Variants in NRG3 observed in about 807,000 individuals in gnomAD.
NRG3 encodes neuregulin 3.
In NRG3, 31 loss-of-function variants were observed where a neutral mutation model predicts 66.9. That is an observed-to-expected ratio of 0.46 (90% CI 0.35 to 0.63). NRG3 has a LOEUF of 0.63. Ranked by LOEUF, NRG3 falls within the 20% of genes least tolerant of loss-of-function variation. The pLI, the probability that NRG3 is intolerant of heterozygous loss-of-function variation, is 0.00. For missense variants in NRG3, 910 were observed against 878.9 expected, an observed-to-expected ratio of 1.04 and a Z score of -0.45; for synonymous variants, 393 against 359.4, an observed-to-expected ratio of 1.09 and a Z score of -1.06.
At chr10:82,429,519 T>C (rs111432974) in intron 2 of NRG3, among the ~76,000 whole-genome samples, 274 of 152,216 alleles carry the variant, frequency 1.8e-3, no homozygotes, top group African/African-American at 6.2e-3. Context: ...ACTCCTTGTG[T>C]ACTGTAAATT....
chr10:82,430,266 GT>G (rs532121793), intron 2 of NRG3, among the ~76,000 whole-genome samples: 2 of 149,414 alleles, frequency 1.3e-5, no homozygotes, highest in Non-Finnish European at 3.0e-5. Flanking sequence ...TTTGTTTTTT[GT>G]TTTTTTTTGA....
chr10:82,300,813 A>AACACAC (rs143658730), intron 1 of NRG3, among the ~76,000 whole-genome samples: 1 of 151,656 alleles, frequency 6.6e-6, no homozygotes, highest in African/African-American at 2.4e-5. Flanking sequence ...CTGAGTTAAA[A>AACACAC]ACACACACAC....
rs1440790907 is a variant in NRG3 at position 82,000,053 on chromosome 10, G to T, written c.823+123890G>T. Among the ~76,000 whole-genome samples the T allele has an allele frequency of 2.6e-5, 4 of 152,152 alleles. No homozygotes were observed. The East Asian group carries it at 7.7e-4, about 29-fold the overall frequency. On this transcript the variant is annotated intron_variant, in intron 1 of 8. Coordinates refer to ENST00000372141, the MANE Select transcript of NRG3 (RefSeq NM_001010848.4). ...TCCAAACATATCAGTTTGAAAATTG[G>T]TAAGGAAGATGCTGGATAATAAAAT...
Position 82,631,928 on chromosome 10 carries a change from T to C in NRG3, c.954-106649T>C, listed in dbSNP as rs559935120. 9.9e-5 allele frequency among the ~76,000 whole-genome samples: 15 copies of C among 151,894 alleles called. No individual in the cohort carries two copies. The East Asian group carries it at 2.9e-3, about 30-fold the overall frequency. ...ACCAGCCCGGCCAACATGGTGAAAT[T>C]CCGTCTCTACCAAAAATACAAAAAT... On this transcript the variant is annotated intron_variant, in intron 2 of 8. Coordinates refer to ENST00000372141, the MANE Select transcript of NRG3 (RefSeq NM_001010848.4).
intron 2 of NRG3, among the ~76,000 whole-genome samples, chr10:82,474,494 A>AGTTGTT (rs1229639491): frequency 9.2e-5 from 14 of 152,218 alleles, no homozygotes; most frequent in African/African-American, 2.4e-5. Flanking sequence ...AGAAGGGTTC[A>AGTTGTT]ACAGCAGATT....
intron 2 of NRG3, among the ~76,000 whole-genome samples, chr10:82,640,845 C>G (rs1231273640): frequency 6.6e-6 from 1 of 151,776 alleles, no homozygotes; most frequent in Non-Finnish European, 1.5e-5. Context: ...GAAATAATGC[C>G]TCATAGGCCT....
At chr10:82,286,232 G>A (rs1226248082) in intron 1 of NRG3, among the ~76,000 whole-genome samples, 1 of 152,144 alleles carries the variant, frequency 6.6e-6, no homozygotes, top group African/African-American at 2.4e-5. Flanking sequence ...TATCCTGAGG[G>A]ACCTGAGTTT....
At chr10:82,040,366 C>CAT (rs1057277732) in intron 1 of NRG3, among the ~76,000 whole-genome samples, 4 of 151,494 alleles carry the variant, frequency 2.6e-5, no homozygotes, top group African/African-American at 7.3e-5. Flanking sequence ...GACATATATA[C>CAT]ATATATATAC....
At chr10:82,385,107 A>T (rs2085891292) in intron 2 of NRG3, among the ~76,000 whole-genome samples, 1 of 152,106 alleles carries the variant, frequency 6.6e-6, no homozygotes, top group Non-Finnish European at 1.5e-5. Flanking sequence ...GGCCACATGT[A>T]TGTCTTCTTT....
intron 3 of NRG3, among the ~76,000 whole-genome samples, chr10:82,781,115 A>G (rs748590270): frequency 6.6e-6 from 1 of 152,138 alleles, no homozygotes; most frequent in East Asian, 1.9e-4. Flanking sequence ...GTTGAGGCAC[A>G]GTGTTTTCCT....
chr10:82,784,515 A>C (rs1311568377), intron 3 of NRG3, among the ~76,000 whole-genome samples: 13 of 152,026 alleles, frequency 8.6e-5, no homozygotes, highest in Admixed American at 8.5e-4. Flanking sequence ...CAAGAAAAAA[A>C]CAAACAACCC....
intron 1 of NRG3, among the ~76,000 whole-genome samples, chr10:81,939,688 T>C (rs1370837483): frequency 2.3e-5 from 3 of 131,104 alleles, no homozygotes; most frequent in African/African-American, 1.0e-4. Flanking sequence ...GGTGTGTCAC[T>C]TTTGTTGATC....
At chr10:81,935,983 T>C (rs1001193681) in intron 1 of NRG3, among the ~76,000 whole-genome samples, 1 of 152,014 alleles carries the variant, frequency 6.6e-6, no homozygotes, top group African/African-American at 2.4e-5. Flanking sequence ...AACTGGTTTG[T>C]CTTACCCAGT....
chr10:82,486,799 A>G (rs1031387574), intron 2 of NRG3, among the ~76,000 whole-genome samples: 7 of 152,140 alleles, frequency 4.6e-5, no homozygotes, highest in African/African-American at 1.4e-4. Context: ...TGAGGGCATT[A>G]TGTTAAGTGA....
intron 6 of NRG3, among the ~76,000 whole-genome samples, chr10:82,963,704 G>T (rs927436526): frequency 6.6e-6 from 1 of 152,232 alleles, no homozygotes; most frequent in African/African-American, 2.4e-5. Flanking sequence ...AAGAATTTGC[G>T]TTAAAATAGT....
At chr10:82,496,854 G>T (rs1402976368) in intron 2 of NRG3, among the ~76,000 whole-genome samples, 1 of 152,012 alleles carries the variant, frequency 6.6e-6, no homozygotes, top group African/African-American at 2.4e-5. Context: ...GAGACTCCAA[G>T]GATTTGAATC....
chr10:82,743,035 G>A (rs2058494593), intron 3 of NRG3, among the ~76,000 whole-genome samples: 1 of 152,094 alleles, frequency 6.6e-6, no homozygotes, highest in Non-Finnish European at 1.5e-5. Context: ...CAGTGGGGTA[G>A]AGAAGATGCC....
chr10:82,638,132 G>A (rs752493610), intron 2 of NRG3, among the ~76,000 whole-genome samples: 6 of 152,074 alleles, frequency 3.9e-5, no homozygotes, highest in Middle Eastern at 3.4e-3. Flanking sequence ...AAGAAAAGAG[G>A]AAAAAAGATA....
chr10:82,281,003 A>G (rs755087414), intron 1 of NRG3, among the ~76,000 whole-genome samples: 13 of 152,158 alleles, frequency 8.5e-5, no homozygotes, highest in South Asian at 4.1e-4. Context: ...GATTAAATAG[A>G]TCTTATTTTT....
Sources: gnomAD v4.1 joint callset for allele counts (sites outside exome capture counted in the v4.1 genomes callset) on GRCh38, gnomAD v4.1.1 for gene constraint, MANE v1.5 for transcripts, NCBI Gene and HGNC (gene_info 2026-07-23, HGNC 2026-07-21) for gene names.